The following PDE6B variants were observed in gnomAD, a reference collection of about 807,000 sequenced individuals.
PDE6B encodes phosphodiesterase 6B, also known as rod cGMP-specific 3',5'-cyclic phosphodiesterase subunit beta.
A neutral mutation model predicts 109.0 loss-of-function variants in PDE6B; 106 were observed. That is an observed-to-expected ratio of 0.97 (90% CI 0.83 to 1.14). The LOEUF (loss-of-function observed/expected upper bound fraction) is 1.14. PDE6B is among the 50% of genes most tolerant of loss of function. PDE6B has a pLI of 0.00. For synonymous variants in PDE6B, 490 were observed against 471.3 expected, an observed-to-expected ratio of 1.04 and a Z score of -0.51; for missense variants, 1,193 against 1,155.6, an observed-to-expected ratio of 1.03 and a Z score of -0.47.
At chr4:661,895 G>T (rs1240719974) in intron 12 of PDE6B, 2 of 558,810 alleles carry the variant, frequency 3.6e-6, no homozygotes, top group Non-Finnish European at 6.5e-6. Context: ...GGCTGGGGCT[G>T]TTCTCAGCTC....
rs1035000114 is a variant in PDE6B, at chr4:642,458, A to G, written c.711+6489A>G. ...GCCATTGCACTCCAGCCTGGGCAACAAGAGTAAACTCCGTCTGAAAAAAAA... is the reference window on the plus strand; with the variant it reads ...GCCATTGCACTCCAGCCTGGGCAACGAGAGTAAACTCCGTCTGAAAAAAAA... On this transcript the variant is annotated intron_variant, in intron 3 of 21. Coordinates refer to ENST00000496514, the MANE Select transcript of PDE6B (RefSeq NM_000283.4). Among the ~76,000 whole-genome samples the G allele has an allele frequency of 2.6e-5, 4 of 151,714 alleles. No individual in the cohort carries two copies. The East Asian group carries it at 7.7e-4, about 29-fold the overall frequency.
In PDE6B at chr4:636,050, GT is replaced by G; in HGVS notation, c.711+82del. On this transcript the variant is annotated intron_variant, in intron 3 of 21. Coordinates refer to ENST00000496514, the MANE Select transcript of PDE6B (RefSeq NM_000283.4). This position sits in a 1 kb window ranked among gnomAD's most constrained non-coding sequence, Gnocchi z 4.5. ...CTCGCTGCCTGCACAGAGGCGGGTG[GT>G]GGCAGGTGGTCTTGTGCTCACCTGG... The G allele has an allele frequency of 1.2e-6, 1 of 839,648 alleles. No individual in the cohort carries two copies. The highest frequency in any genetic ancestry group is 1.3e-5 in the South Asian group (1 of 75,370). 52.0% of individuals were successfully genotyped at this position (839,648 alleles called of 1,614,324 possible).
chr4:627,673 C>G (rs935215127), intron 1 of PDE6B, among the ~76,000 whole-genome samples: 1 of 150,512 alleles, frequency 6.6e-6, no homozygotes, highest in Admixed American at 6.6e-5. Context: ...TCCCTCCTCC[C>G]TCCTCCCCTC....
At chr4:659,106 G>A in intron 11 of PDE6B, 89 bp downstream of exon 11, 1 of 943,024 alleles carries the variant, frequency 1.1e-6, no homozygotes, top group Non-Finnish European at 1.7e-6. Flanking sequence ...ACCCGACGGT[G>A]CTTTGCACAC....
In PDE6B at chr4:662,787, C is replaced by T. The variant is rs758653101; in HGVS notation, c.1832+169C>T. ...AGGGGATTGCTTGAGCCCAGGAGTT[C>T]GAGACCAGCCTGGGCAACATGGCAA... On this transcript the variant is annotated intron_variant, in intron 14 of 21. Coordinates refer to ENST00000496514, the MANE Select transcript of PDE6B (RefSeq NM_000283.4). The surrounding 1 kb of genome is among the most constrained non-coding windows in gnomAD (Gnocchi z 4.3). 2.0e-5 allele frequency among the ~76,000 whole-genome samples: 3 copies of T among 147,502 alleles called. No individual in the cohort carries two copies. In the East Asian group the frequency reaches 6.0e-4, roughly 29 times the overall value.
Position 636,999 on chromosome 4 carries a change from T to G in PDE6B, c.711+1030T>G, listed in dbSNP as rs570453690. Among the ~76,000 whole-genome samples, 1 of 152,374 alleles carries G rather than the reference T, an allele frequency of 6.6e-6. No homozygotes were observed. The highest frequency in any genetic ancestry group is 1.5e-5 in the Non-Finnish European group (1 of 68,034). ...AGCATCTGTGTAATGTATCTGGAAT[T>G]CTTTTGCGTGAGAGATTTGTCTCTT... On this transcript the variant is annotated intron_variant, in intron 3 of 21. Coordinates refer to ENST00000496514, the MANE Select transcript of PDE6B (RefSeq NM_000283.4). This position sits in a 1 kb window ranked among gnomAD's most constrained non-coding sequence, Gnocchi z 4.5.
chr4:634,608 A>T, intron 1 of PDE6B, 69 bp from the exon 2 acceptor site: 1 of 1,293,626 alleles, frequency 7.7e-7, no homozygotes, highest in Non-Finnish European at 1.1e-6. Context: ...CTTGACGACA[A>T]CCCCAGTGGT....
At chr4:634,213 GCCCAT>G (rs1734529012) in intron 1 of PDE6B, among the ~76,000 whole-genome samples, 1 of 152,144 alleles carries the variant, frequency 6.6e-6, no homozygotes, top group Non-Finnish European at 1.5e-5. Context: ...ATTAGAATGG[GCCCAT>G]CCCACACCCT....
At position 648,709 on chromosome 4, in the gene PDE6B, G is replaced by C. The variant is rs1262932669; in HGVS notation, c.712-5143G>C. 6.6e-6 allele frequency among the ~76,000 whole-genome samples: 1 copy of C among 152,264 alleles called. No homozygotes were observed. Among genetic ancestry groups the C allele is most frequent in the African/African-American group, 2.4e-5 (1 of 41,472 alleles). ...CAGAGCTCAGGTTTCTCTCTGACCTGTCACGGCAGCTGCCTGTTCGGCTTA... is the reference window on the plus strand; with the variant it reads ...CAGAGCTCAGGTTTCTCTCTGACCTCTCACGGCAGCTGCCTGTTCGGCTTA... On this transcript the variant is annotated intron_variant, in intron 3 of 21. Coordinates refer to ENST00000496514, the MANE Select transcript of PDE6B (RefSeq NM_000283.4). The surrounding 1 kb of genome is among the most constrained non-coding windows in gnomAD (Gnocchi z 4.5).
chr4:639,976 C>T (rs539958602), intron 3 of PDE6B, among the ~76,000 whole-genome samples: 5 of 152,080 alleles, frequency 3.3e-5, no homozygotes, highest in South Asian at 4.2e-4. Flanking sequence ...CCAGCCTGGG[C>T]GACAGAGCGA....
At chr4:640,027 C>T (rs1734872731) in intron 3 of PDE6B, among the ~76,000 whole-genome samples, 1 of 151,942 alleles carries the variant, frequency 6.6e-6, no homozygotes, top group African/African-American at 2.4e-5. Context: ...ATGCTGAGAC[C>T]AGGAGCAGTG....
chr4:627,723 C>T (rs534066045), intron 1 of PDE6B, among the ~76,000 whole-genome samples: 1 of 150,140 alleles, frequency 6.7e-6, no homozygotes, highest in African/African-American at 2.4e-5. Flanking sequence ...CTGCCATCCT[C>T]CCCGTCTCCC....
At chr4:654,044 C>A (rs1256188518) in intron 4 of PDE6B, 36 bp from the exon 5 acceptor site, 3 of 1,613,338 alleles carry the variant, frequency 1.9e-6, no homozygotes, top group Non-Finnish European at 2.5e-6. Context: ...CCAGGTCCCG[C>A]AGTGACCGCC....
chr4:655,481 C>T, intron 6 of PDE6B: 1 of 313,070 alleles, frequency 3.2e-6, no homozygotes. Flanking sequence ...GCAGGGCAGG[C>T]ACCAACGCTG....
At chr4:649,966 G>GTCACCCTGGTT (rs1483379776) in intron 3 of PDE6B, among the ~76,000 whole-genome samples, 2 of 152,184 alleles carry the variant, frequency 1.3e-5, no homozygotes, top group African/African-American at 4.8e-5. Flanking sequence ...GGCCACCGCT[G>GTCACCCTGGTT]TCACCCTGGT....
rs1734665101 is a variant in PDE6B at position 636,084 on chromosome 4, C to G, written c.711+115C>G. ...GGTCTTGTGCTCACCTGGGTAGGTC[C>G]TGGGGTGGGCATTGCTCAGGGGAGA... On this transcript the variant is annotated intron_variant, in intron 3 of 21. Coordinates refer to ENST00000496514, the MANE Select transcript of PDE6B (RefSeq NM_000283.4). This position sits in a 1 kb window ranked among gnomAD's most constrained non-coding sequence, Gnocchi z 4.5. The G allele has an allele frequency of 1.4e-6, 1 of 717,668 alleles. No homozygotes were observed. Among genetic ancestry groups the G allele is most frequent in the Non-Finnish European group, 2.5e-6 (1 of 392,540 alleles). 44.5% of individuals were successfully genotyped at this position (717,668 alleles called of 1,614,324 possible).
In PDE6B at chr4:648,357, T is replaced by C. The variant is rs1735312893; in HGVS notation, c.712-5495T>C. 6.6e-6 allele frequency among the ~76,000 whole-genome samples: 1 copy of C among 151,990 alleles called. No individual in the cohort carries two copies. Among genetic ancestry groups the C allele is most frequent in the Non-Finnish European group, 1.5e-5 (1 of 68,038 alleles). On this transcript the variant is annotated intron_variant, in intron 3 of 21. Transcript: ENST00000496514. This position sits in a 1 kb window ranked among gnomAD's most constrained non-coding sequence, Gnocchi z 4.5. ...GAACGGCATTTTTAGGCATCCTGAC[T>C]TGCAGGAGGCACAGGCCTGCCTCAC...
At chr4:659,568 TGTGG>T (rs1184767176) in intron 11 of PDE6B, among the ~76,000 whole-genome samples, 1 of 151,392 alleles carries the variant, frequency 6.6e-6, no homozygotes, top group Non-Finnish European at 1.5e-5. Flanking sequence ...TGTGTGCACA[TGTGG>T]GTGTGTGTGT....
intron 11 of PDE6B, among the ~76,000 whole-genome samples, chr4:659,458 CAT>C (rs1429165632): frequency 1.3e-5 from 2 of 152,110 alleles, no homozygotes; most frequent in Non-Finnish European, 2.9e-5. Context: ...TGTCTGTGTG[CAT>C]GTGTGTGCAC....
Sources: allele counts gnomAD v4.1 joint callset (sites outside exome capture counted in the v4.1 genomes callset), GRCh38; gene constraint gnomAD v4.1.1; non-coding constraint Gnocchi (gnomAD v3.1); transcripts MANE v1.5; gene names NCBI Gene and HGNC (gene_info 2026-07-23, HGNC 2026-07-21).